EPHB2: variants seen among roughly 807,000 people sequenced by gnomAD.
EPHB2 encodes the protein EPH receptor B2.
EPHB2 carries 18 observed loss-of-function variants against 96.4 expected under a neutral mutation model. That is an observed-to-expected ratio of 0.19 (90% CI 0.13 to 0.28). EPHB2 has a LOEUF of 0.28. EPHB2 is among the 10% of genes least tolerant of loss of function. EPHB2 has a pLI of 1.00. For missense variants in EPHB2, 989 were observed against 1,355.4 expected (o/e 0.73, Z 4.25); for synonymous variants, 506 against 534.1 (o/e 0.95, Z 0.72).
intron 3 of EPHB2, among the ~76,000 whole-genome samples, chr1:22,854,270 G>C (rs960109605): frequency 6.6e-6 from 1 of 152,178 alleles, no homozygotes; most frequent in African/African-American, 2.4e-5. Context: ...CAGCACTTAG[G>C]GAGGTCAGGG....
chr1:22,751,302 G>A (rs760985289), intron 1 of EPHB2, among the ~76,000 whole-genome samples: 5 of 152,184 alleles, frequency 3.3e-5, no homozygotes, highest in Non-Finnish European at 5.9e-5. Context: ...CTTCCTGCAC[G>A]CAGGACTGAT....
rs1557709626 is a variant in EPHB2 at position 22,846,778 on chromosome 1, G to A, written c.812-16259G>A. 1.3e-5 allele frequency among the ~76,000 whole-genome samples: 2 copies of A among 152,198 alleles called. No individual in the cohort carries two copies. The highest frequency in any genetic ancestry group is 6.5e-5 in the Admixed American group (1 of 15,276). ...TTGTCATTCTTAGTCTTCCAACGCA[G>A]CTCAAGTGTTTGCACCTCCAGGAAA... On this transcript the variant is annotated intron_variant, in intron 3 of 15. Transcript: ENST00000374630. The surrounding 1 kb of genome is among the most constrained non-coding windows in gnomAD (Gnocchi z 4.3).
At chr1:22,852,511 G>A (rs944116143) in intron 3 of EPHB2, among the ~76,000 whole-genome samples, 28 of 152,256 alleles carry the variant, frequency 1.8e-4, no homozygotes, top group African/African-American at 6.5e-4. Context: ...GGGGCTGCCT[G>A]CTGGGAGGGC....
chr1:22,909,276 G>T (rs1640014452), intron 13 of EPHB2, 105 bp downstream of exon 13: 1 of 1,566,866 alleles, frequency 6.4e-7, no homozygotes, highest in South Asian at 1.1e-5. Context: ...TGGGACATAG[G>T]CTTCTGAGAT....
chr1:22,907,387 A>T (rs1352042519), intron 11 of EPHB2, among the ~76,000 whole-genome samples: 1 of 152,226 alleles, frequency 6.6e-6, no homozygotes, highest in Non-Finnish European at 1.5e-5. Context: ...GGTTTTCACC[A>T]GATTTTGGAG....
intron 3 of EPHB2, among the ~76,000 whole-genome samples, chr1:22,811,900 A>C (rs1240317811): frequency 6.6e-6 from 1 of 152,206 alleles, no homozygotes; most frequent in Non-Finnish European, 1.5e-5. Context: ...CCAGACAGAC[A>C]TGATGGCATG....
At chr1:22,900,622 A>G (rs1221046769) in intron 9 of EPHB2, among the ~76,000 whole-genome samples, 1 of 152,116 alleles carries the variant, frequency 6.6e-6, no homozygotes, top group African/African-American at 2.4e-5. Flanking sequence ...TCCTGGAGCC[A>G]CTGGGGAGCA....
At chr1:22,754,107 C>T (rs4233294) in intron 1 of EPHB2, among the ~76,000 whole-genome samples, 141,006 of 151,946 alleles carry the variant, frequency 0.93, 66,338 homozygotes, top group East Asian at 1. Flanking sequence ...AGGGGGCACC[C>T]CAGAGACACT....
At chr1:22,740,974 C>T (rs1456286313) in intron 1 of EPHB2, among the ~76,000 whole-genome samples, 1 of 152,130 alleles carries the variant, frequency 6.6e-6, no homozygotes, top group African/African-American at 2.4e-5. Flanking sequence ...CCTGCGATGC[C>T]AAGCCTCTCC....
chr1:22,794,035 A>G (rs1172155375), intron 3 of EPHB2, among the ~76,000 whole-genome samples: 2 of 152,152 alleles, frequency 1.3e-5, no homozygotes, highest in Non-Finnish European at 2.9e-5. Flanking sequence ...TGTAGACCCT[A>G]TGGAGAGTGA....
chr1:22,724,940 C>T (rs953311568), intron 1 of EPHB2, among the ~76,000 whole-genome samples: 1 of 152,140 alleles, frequency 6.6e-6, no homozygotes, highest in African/African-American at 2.4e-5. Flanking sequence ...CACCATCTCT[C>T]CCTGGTCAGT....
rs183033073 is a variant in EPHB2 at position 22,878,900 on chromosome 1, C to G, written c.1304-3459C>G. On this transcript the variant is annotated intron_variant, in intron 5 of 15. Coordinates refer to ENST00000374630, the MANE Select transcript of EPHB2 (RefSeq NM_017449.5). Reference sequence around the variant, plus strand: ...CGCAATCCAAATACTCCTCACCCGTCCTTGCCCTTGCGGGCTCTGTGTGTC... The same window carrying G: ...CGCAATCCAAATACTCCTCACCCGTGCTTGCCCTTGCGGGCTCTGTGTGTC... Among the ~76,000 whole-genome samples, 6 of 152,360 alleles carry G rather than the reference C, an allele frequency of 3.9e-5. No individual in the cohort carries two copies. In the East Asian group the frequency reaches 1.2e-3, roughly 29 times the overall value.
At chr1:22,898,533 A>C (rs1639643858) in intron 9 of EPHB2, among the ~76,000 whole-genome samples, 1 of 152,222 alleles carries the variant, frequency 6.6e-6, no homozygotes, top group Admixed American at 6.5e-5. Context: ...GCAGATGCTC[A>C]TCAGGCTCAG....
chr1:22,751,954 C>T (rs1446408087), intron 1 of EPHB2, among the ~76,000 whole-genome samples: 3 of 152,196 alleles, frequency 2.0e-5, no homozygotes, highest in East Asian at 1.9e-4. Flanking sequence ...AATCAGGCTT[C>T]GGTCTGGAGT....
At chr1:22,796,878 A>C (rs1644773738) in intron 3 of EPHB2, among the ~76,000 whole-genome samples, 1 of 152,260 alleles carries the variant, frequency 6.6e-6, no homozygotes, top group African/African-American at 2.4e-5. Flanking sequence ...AACAGGAAGC[A>C]GAAGTTCAGA....
chr1:22,843,575 C>G (rs1242970467), intron 3 of EPHB2, among the ~76,000 whole-genome samples: 1 of 152,140 alleles, frequency 6.6e-6, no homozygotes, highest in Non-Finnish European at 1.5e-5. Context: ...TAGTCTCACT[C>G]TGTTGCCCAA....
At chr1:22,907,801 C>A in intron 11 of EPHB2, 152 bp from the exon 12 acceptor site, 2 of 914,876 alleles carry the variant, frequency 2.2e-6, no homozygotes, top group Non-Finnish European at 3.5e-6. Context: ...TCTGACGGGC[C>A]TCTCTGGGGT....
intron 5 of EPHB2, among the ~76,000 whole-genome samples, chr1:22,872,380 G>T (rs566252364): frequency 1.3e-5 from 2 of 152,266 alleles, no homozygotes; most frequent in South Asian, 4.1e-4. Context: ...GGATAATCTA[G>T]GAAAATCTCT....
rs757698205 is a variant in EPHB2, at chr1:22,913,571, C to CATTCACCT, written c.*2_*9dup. On this transcript the variant is annotated 3_prime_UTR_variant, in exon 16 of 16. Transcript: ENST00000374630. This position sits in a 1 kb window ranked among gnomAD's most constrained non-coding sequence, Gnocchi z 4.1. ...CCAGATTCAGTCTGTGGAGGTTTGA[C>CATTCACCT]ATTCACCTGCCTCGGCTCACCTCTT... 8 of 1,614,124 alleles carry CATTCACCT rather than the reference C, an allele frequency of 5.0e-6. No individual in the cohort carries two copies. The highest frequency in any genetic ancestry group is 6.8e-6 in the Non-Finnish European group (8 of 1,180,010).
Sources: allele counts gnomAD v4.1 joint callset (sites outside exome capture counted in the v4.1 genomes callset), GRCh38; gene constraint gnomAD v4.1.1; non-coding constraint Gnocchi (gnomAD v3.1); transcripts MANE v1.5; gene names NCBI Gene and HGNC (gene_info 2026-07-23, HGNC 2026-07-21).